Variants in REV3L observed in about 807,000 individuals in gnomAD.
REV3L encodes DNA polymerase zeta catalytic subunit.
Under a neutral mutation model 299.4 loss-of-function variants are expected in REV3L, and 69 were observed. That is an observed-to-expected ratio of 0.23 (90% CI 0.19 to 0.28). The LOEUF is 0.28. Ranked by LOEUF, REV3L falls within the 10% of genes least tolerant of loss-of-function variation. REV3L has a pLI of 1.00. For missense variants in REV3L, 3,128 were observed against 3,693.8 expected (o/e 0.85, Z 3.97); for synonymous variants, 1,238 against 1,271.4 (o/e 0.97, Z 0.56).
intron 3 of REV3L, among the ~76,000 whole-genome samples, chr6:111,406,058 C>T (rs559014729): frequency 2.0e-5 from 3 of 151,750 alleles, no homozygotes; most frequent in Admixed American, 6.6e-5. Context: ...TTCATGATGA[C>T]GAATACAAAC....
At chr6:111,369,397 A>G (rs74382420) in intron 13 of REV3L, among the ~76,000 whole-genome samples, 4,658 of 152,186 alleles carry the variant, frequency 0.031, 220 homozygotes, top group African/African-American at 0.11. Context: ...CCTAATATGT[A>G]TCAAGAGCCT....
chr6:111,398,988 A>G (rs1782806612), intron 4 of REV3L, among the ~76,000 whole-genome samples: 1 of 152,176 alleles, frequency 6.6e-6, no homozygotes, highest in Non-Finnish European at 1.5e-5. Flanking sequence ...TAAATTTCAC[A>G]TGATGCCTTC....
At chr6:111,308,102 A>G in intron 30 of REV3L, 2 of 319,482 alleles carry the variant, frequency 6.3e-6, no homozygotes, top group South Asian at 4.7e-5. Flanking sequence ...ATGTCCCTGC[A>G]AAGGACATGA....
intron 1 of REV3L, among the ~76,000 whole-genome samples, chr6:111,453,740 T>C (rs1324325297): frequency 6.6e-6 from 1 of 152,132 alleles, no homozygotes; most frequent in Non-Finnish European, 1.5e-5. Flanking sequence ...TCCCAGCACT[T>C]TGGGAGGCTG....
At chr6:111,421,317 C>A (rs1785320243) in intron 1 of REV3L, among the ~76,000 whole-genome samples, 1 of 152,102 alleles carries the variant, frequency 6.6e-6, no homozygotes, top group African/African-American at 2.4e-5. Flanking sequence ...TCGATAAACA[C>A]AAAGACTAAA....
intron 24 of REV3L, chr6:111,330,849 T>G: frequency 3.3e-6 from 1 of 300,272 alleles, no homozygotes; most frequent in East Asian, 1.7e-4. Context: ...AATACTACAT[T>G]TTAAAATTTT....
intron 10 of REV3L, 110 bp downstream of exon 10, chr6:111,381,215 G>T: frequency 1.8e-6 from 2 of 1,121,410 alleles, no homozygotes; most frequent in South Asian, 1.4e-5. Flanking sequence ...AGTGTTTACT[G>T]AACATGCAAC....
intron 5 of REV3L, among the ~76,000 whole-genome samples, chr6:111,391,374 A>ATTT (rs1367222846): frequency 6.6e-6 from 1 of 152,096 alleles, no homozygotes. Flanking sequence ...GCCTTGAAAC[A>ATTT]CTTTTTAATG....
At chr6:111,434,153 C>T (rs1787257245) in intron 1 of REV3L, among the ~76,000 whole-genome samples, 1 of 152,126 alleles carries the variant, frequency 6.6e-6, no homozygotes, top group South Asian at 2.1e-4. Flanking sequence ...CCCACTTTCA[C>T]CACTTTTATT....
At chr6:111,344,529 T>G (rs1265677712) in intron 20 of REV3L, among the ~76,000 whole-genome samples, 1 of 152,178 alleles carries the variant, frequency 6.6e-6, no homozygotes, top group African/African-American at 2.4e-5. Flanking sequence ...ACAGACATTA[T>G]AGAGCCACTC....
intron 1 of REV3L, among the ~76,000 whole-genome samples, chr6:111,450,527 A>G (rs1295870709): frequency 6.7e-6 from 1 of 149,632 alleles, no homozygotes; most frequent in Non-Finnish European, 1.5e-5. Flanking sequence ...TTAGTATCCT[A>G]TGTTACATCT....
At chr6:111,338,312 CTTTT>C (rs144497761) in intron 21 of REV3L, among the ~76,000 whole-genome samples, 12 of 47,874 alleles carry the variant, frequency 2.5e-4, no homozygotes, top group African/African-American at 1.0e-3. Context: ...GTCTAAAGTC[CTTTT>C]TTTTTTTTTT....
Position 111,367,151 on chromosome 6 carries a change from G to C in REV3L, c.6637C>G (p.Leu2213Val). 6.2e-7 allele frequency: 1 copy of C among 1,606,306 alleles called. No individual in the cohort carries two copies. The highest frequency in any genetic ancestry group is 1.1e-5 in the South Asian group (1 of 89,372). ...GGGCTAAGGCCAGGTGCTTCAGGAAGCCTTTCCAGAAGTTTTCTCTGTATG... is the reference window on the plus strand; with the variant it reads ...GGGCTAAGGCCAGGTGCTTCAGGAACCCTTTCCAGAAGTTTTCTCTGTATG... The part of the protein sequence containing the change: ...PIIQRKLLER[L>V]PEAPGLSPLS... The change falls in exon 14 of 32, where the codon CTT becomes GTT. Residue 2213 changes from leucine (L) to valine (V), a missense_variant. This residue lies in a region of REV3L where 2,409 missense variants were observed against 2,611.8 expected (regional missense o/e 0.92). Transcript: ENST00000368802.
intron 18 of REV3L, among the ~76,000 whole-genome samples, chr6:111,352,288 G>A (rs567877291): frequency 1.8e-4 from 28 of 151,660 alleles, no homozygotes; most frequent in Non-Finnish European, 3.1e-4. Flanking sequence ...GATTATAGGC[G>A]ATTTGACGCT....
Position 111,405,639 on chromosome 6 carries a change from G to GAA in REV3L, c.405-11_405-10dup. 6.5e-7 allele frequency: 1 copy of GAA among 1,537,644 alleles called. No homozygotes were observed. Among genetic ancestry groups the GAA allele is most frequent in the Non-Finnish European group, 8.8e-7 (1 of 1,139,956 alleles). On this transcript the variant is annotated splice_polypyrimidine_tract_variant and intron_variant, in intron 3 of 31. Coordinates refer to ENST00000368802, the MANE Select transcript of REV3L (RefSeq NM_001372078.1). ...GCAAAAGTTCACATATCCTAAATTA[G>GAA]AAAAAAAAAGTTTTATCATAAAATT...
intron 1 of REV3L, among the ~76,000 whole-genome samples, chr6:111,457,176 ATAGT>A (rs1176941278): frequency 2.6e-5 from 4 of 152,076 alleles, no homozygotes; most frequent in African/African-American, 9.7e-5. Flanking sequence ...TTAATTCTAC[ATAGT>A]TATAGGAGAG....
At chr6:111,461,859 T>TA (rs1451441819) in intron 1 of REV3L, among the ~76,000 whole-genome samples, 1 of 151,998 alleles carries the variant, frequency 6.6e-6, no homozygotes, top group Non-Finnish European at 1.5e-5. Flanking sequence ...AAAGAACAGA[T>TA]AGACTAACAT....
Position 111,375,661 on chromosome 6 carries a change from G to C in REV3L, c.2694C>G (p.His898Gln). 1 of 1,613,904 alleles carries C rather than the reference G, an allele frequency of 6.2e-7. No homozygotes were observed. The highest frequency in any genetic ancestry group is 8.5e-7 in the Non-Finnish European group (1 of 1,179,906). Reference sequence around the variant, plus strand: ...CAGTTTCTAACGTTCCATCTCCAAAGTGACAGTCTATAAAACCATCTGTGG... The same window carrying C: ...CAGTTTCTAACGTTCCATCTCCAAACTGACAGTCTATAAAACCATCTGTGG... ...KTPTDGFIDC[H>Q]FGDGTLETEQ... Residue 898 changes from histidine to glutamine, a missense_variant, in exon 13 of 32, where the codon CAC becomes CAG. Physicochemically the swap from His to Gln is conservative, Grantham distance 24. Around this residue, in one of 9 missense-constraint regions of REV3L, gnomAD observed 2,409 missense variants for 2,611.8 expected, o/e 0.92. Transcript: ENST00000368802.
intron 10 of REV3L, among the ~76,000 whole-genome samples, chr6:111,380,971 G>A (rs768445650): frequency 6.6e-5 from 10 of 152,200 alleles, no homozygotes; most frequent in Non-Finnish European, 1.3e-4. Flanking sequence ...TGTTTCCTCC[G>A]GTGAAATTTG....
Sources: gnomAD v4.1 joint callset for allele counts (sites outside exome capture counted in the v4.1 genomes callset) on GRCh38, gnomAD v4.1.1 for gene constraint, gnomAD v4.1.1 regional missense constraint, MANE v1.5 for transcripts, NCBI Gene and HGNC (gene_info 2026-07-23, HGNC 2026-07-21) for gene names.